The following NUDT6 variants were observed in gnomAD, a reference collection of about 807,000 sequenced individuals.
NUDT6 encodes the protein FAD diphosphatase NUDT6.
In NUDT6, 24 loss-of-function variants were observed where a neutral mutation model predicts 36.8. That is an observed-to-expected ratio of 0.65 (90% CI 0.47 to 0.92). NUDT6 has a LOEUF of 0.92. NUDT6 is among the 40% of genes least tolerant of loss of function. The pLI is 0.00. For missense variants in NUDT6, 388 were observed against 392.8 expected (o/e 0.99, Z 0.10); for synonymous variants, 163 against 157.0 (o/e 1.04, Z -0.29).
chr4:122,912,763 T>C (rs55691042), intron 2 of NUDT6, 140 bp from the exon 3 acceptor site: 117,770 of 602,444 alleles, frequency 0.2, 14,269 homozygotes, highest in East Asian at 0.46. Flanking sequence ...GTATTCCTTA[T>C]CTAAAATGTT....
rs1326010866 is a variant in NUDT6, at chr4:122,893,112, T to C, written c.667A>G (p.Met223Val). Residue 223 changes from methionine to valine, a missense_variant, in exon 5 of 5, where the codon ATG becomes GTG. By Grantham distance (21) the Met-to-Val change is conservative. Transcript: ENST00000304430. The part of the protein sequence containing the change: ...TNPGAFGKSD[M>V]YIICRLKPYS... ...GGCTTTAGGCGGCAGATGATATACATATCTGACTTCCCAAAAGCTCCAGGA... is the reference window on the plus strand; with the variant it reads ...GGCTTTAGGCGGCAGATGATATACACATCTGACTTCCCAAAAGCTCCAGGA... The C allele has an allele frequency of 1.2e-6, 2 of 1,614,194 alleles. No homozygotes were observed. The highest frequency in any genetic ancestry group is 1.7e-6 in the Non-Finnish European group (2 of 1,180,038).
intron 2 of NUDT6, among the ~76,000 whole-genome samples, chr4:122,914,193 T>C (rs1347806024): frequency 6.6e-6 from 1 of 152,208 alleles, no homozygotes; most frequent in Non-Finnish European, 1.5e-5. Context: ...GGAATAAATA[T>C]GTGTAACATG....
intron 3 of NUDT6, among the ~76,000 whole-genome samples, chr4:122,905,694 T>A (rs1453732916): frequency 6.6e-6 from 1 of 152,196 alleles, no homozygotes; most frequent in African/African-American, 2.4e-5. Context: ...CTCTGATAAG[T>A]CACTCAGTGC....
intron 4 of NUDT6, chr4:122,895,254 C>T (rs1727314168): frequency 6.6e-6 from 1 of 152,062 alleles, no homozygotes; most frequent in Non-Finnish European, 1.5e-5. Flanking sequence ...GTAAGCCAAA[C>T]TGAAATAACA....
intron 3 of NUDT6, among the ~76,000 whole-genome samples, chr4:122,907,673 T>G (rs1727647819): frequency 6.6e-6 from 1 of 151,944 alleles, no homozygotes; most frequent in South Asian, 2.1e-4. Context: ...TTGGTCTCGA[T>G]CTCCTGACCT....
chr4:122,922,156 C>A (rs1728049422), intron 1 of NUDT6, 179 bp downstream of exon 1: 2 of 467,802 alleles, frequency 4.3e-6, no homozygotes, highest in Non-Finnish European at 7.3e-6. Flanking sequence ...GCCTTAGAGA[C>A]CTCCCAGCAA....
At position 122,912,549 on chromosome 4, in the gene NUDT6, TA is replaced by T; in HGVS notation, c.498+18del. 1 of 1,556,008 alleles carries T rather than the reference TA, an allele frequency of 6.4e-7. No individual in the cohort carries two copies. The highest frequency in any genetic ancestry group is 8.9e-7 in the Non-Finnish European group (1 of 1,129,586). On this transcript the variant is annotated intron_variant, in intron 3 of 4. Coordinates refer to ENST00000304430, the MANE Select transcript of NUDT6 (RefSeq NM_007083.5). Reference sequence around the variant, plus strand: ...AAATAAACATTTAGGAAGCAATTTATAAAACAGAAGCAGCTTACTTTATTTC... The same window carrying T: ...AAATAAACATTTAGGAAGCAATTTATAAACAGAAGCAGCTTACTTTATTTC...
chr4:122,911,353 A>G (rs1727729555), intron 3 of NUDT6, among the ~76,000 whole-genome samples: 1 of 152,170 alleles, frequency 6.6e-6, no homozygotes. Flanking sequence ...TTCCATGTCA[A>G]GTCTAAACTC....
intron 4 of NUDT6, chr4:122,895,806 G>A (rs1727333763): frequency 6.6e-6 from 1 of 152,176 alleles, no homozygotes; most frequent in Non-Finnish European, 1.5e-5. Flanking sequence ...GTTAACTAGG[G>A]TTTACTGTTT....
chr4:122,902,795 G>T (rs565297734), intron 3 of NUDT6, among the ~76,000 whole-genome samples: 6 of 152,242 alleles, frequency 3.9e-5, no homozygotes, highest in African/African-American at 1.4e-4. Flanking sequence ...TATGTGTGTA[G>T]GGAAAGAGAA....
chr4:122,893,516 C>CT (rs1264688309), intron 4 of NUDT6: 1 of 271,984 alleles, frequency 3.7e-6, no homozygotes, highest in East Asian at 6.8e-5. Flanking sequence ...TCTTGCTGCT[C>CT]TTTTTCCCAA....
chr4:122,922,470 A>T lies in NUDT6; in HGVS notation c.103T>A (p.Tyr35Asn). 7.4e-6 allele frequency: 12 copies of T among 1,611,730 alleles called. No homozygotes were observed. The highest frequency in any genetic ancestry group is 1.0e-5 in the Non-Finnish European group (12 of 1,179,824). ...GYRWASGAQGYVRNPPVGACD... is the reference protein window; with the variant it reads ...GYRWASGAQGNVRNPPVGACD... ...GCTCCAACTGGCGGATTCCGCACGT[A>T]ACCCTGTGCGCCCGAGGCCCAGCGG... Residue 35 changes from tyrosine (Y) to asparagine (N), a missense_variant, in exon 1 of 5, where the codon TAC becomes AAC. Transcript: ENST00000304430.
chr4:122,922,864 T>C (rs1333751583), upstream of NUDT6: 1 of 561,798 alleles, frequency 1.8e-6, no homozygotes, highest in African/African-American at 1.9e-5. Context: ...CGGGAGGAGA[T>C]GCAAAAACGT....
intron 3 of NUDT6, among the ~76,000 whole-genome samples, chr4:122,909,727 G>A (rs1421632727): frequency 6.6e-6 from 1 of 152,054 alleles, no homozygotes; most frequent in Non-Finnish European, 1.5e-5. Context: ...CCTATCTAGG[G>A]TTAATTACTC....
At chr4:122,921,847 T>G (rs1728024540) in intron 1 of NUDT6, 1 of 152,796 alleles carries the variant, frequency 6.5e-6, no homozygotes, top group African/African-American at 2.4e-5. Context: ...AATGTAAGAG[T>G]TTTTTTCCTT....
chr4:122,915,896 A>G (rs1207595696), intron 2 of NUDT6, among the ~76,000 whole-genome samples: 1 of 152,228 alleles, frequency 6.6e-6, no homozygotes, highest in Non-Finnish European at 1.5e-5. Flanking sequence ...GACAGAGAAG[A>G]CATCATTAGG....
At chr4:122,922,717 C>A, upstream of NUDT6, 1 of 712,138 alleles carries the variant, frequency 1.4e-6, no homozygotes, top group Non-Finnish European at 2.3e-6. Flanking sequence ...GCCAAGGAGA[C>A]CGCGAAGTGG....
At chr4:122,922,831 C>G, upstream of NUDT6, 1 of 569,270 alleles carries the variant, frequency 1.8e-6, no homozygotes, top group Non-Finnish European at 3.1e-6. Flanking sequence ...ATTCAACAGA[C>G]GTTGGTTTAG....
chr4:122,907,348 T>G (rs1458608060), intron 3 of NUDT6, among the ~76,000 whole-genome samples: 2 of 151,928 alleles, frequency 1.3e-5, no homozygotes. Flanking sequence ...TTAGCCAGGC[T>G]GGTCTCAAAC....
Sources: gnomAD v4.1 joint callset for allele counts (sites outside exome capture counted in the v4.1 genomes callset) on GRCh38, gnomAD v4.1.1 for gene constraint, MANE v1.5 for transcripts, NCBI Gene and HGNC (gene_info 2026-07-23, HGNC 2026-07-21) for gene names.